CTDSPL: variants seen among roughly 807,000 people sequenced by gnomAD.
The protein encoded by CTDSPL is CTD small phosphatase like.
Under a neutral mutation model 30.5 loss-of-function variants are expected in CTDSPL, and 8 were observed. The ratio of observed to expected loss-of-function variants is 0.26; its 90% CI spans 0.15 to 0.47. The LOEUF is 0.47. Among genes scored for constraint, CTDSPL ranks in the 20% least tolerant of loss-of-function variants. The probability of loss-of-function intolerance (pLI) is 0.99; values close to 1 mark genes in which losing one functional copy is unlikely to be tolerated. For synonymous variants in CTDSPL, 110 were observed against 137.9 expected, an observed-to-expected ratio of 0.80 and a Z score of 1.42; for missense variants, 248 against 366.1, an observed-to-expected ratio of 0.68 and a Z score of 2.63.
At chr3:37,967,247 T>C (rs890442605) in intron 4 of CTDSPL, among the ~76,000 whole-genome samples, 10 of 152,012 alleles carry the variant, frequency 6.6e-5, no homozygotes, top group Non-Finnish European at 1.5e-4. Context: ...TCACAATAGC[T>C]AAGGAAGAGA....
intron 1 of CTDSPL, among the ~76,000 whole-genome samples, chr3:37,883,253 C>G (rs763977476): frequency 6.6e-6 from 1 of 152,214 alleles, no homozygotes; most frequent in Non-Finnish European, 1.5e-5. Flanking sequence ...AGAAGCTCCA[C>G]TAAGGCTTTA....
chr3:37,946,964 T>TG, intron 1 of CTDSPL, 93 bp from the exon 2 acceptor site: 2 of 1,396,814 alleles, frequency 1.4e-6, no homozygotes, highest in Non-Finnish European at 9.6e-7. Context: ...ATCTGGGGTC[T>TG]GGGGGGCAAC....
At chr3:37,947,008 A>G (rs1699046379) in intron 1 of CTDSPL, 49 bp from the exon 2 acceptor site, 2 of 1,573,720 alleles carry the variant, frequency 1.3e-6, no homozygotes, top group East Asian at 4.5e-5. Flanking sequence ...TATTACAACT[A>G]TCAGTACATG....
At chr3:37,943,564 A>G (rs1699003522) in intron 1 of CTDSPL, among the ~76,000 whole-genome samples, 1 of 150,446 alleles carries the variant, frequency 6.6e-6, no homozygotes, top group Admixed American at 6.7e-5. Context: ...TGACGTTCAT[A>G]GTTGCTACTC....
chr3:37,870,311 T>C (rs1698058058), intron 1 of CTDSPL, among the ~76,000 whole-genome samples: 1 of 152,088 alleles, frequency 6.6e-6, no homozygotes, highest in Admixed American at 6.5e-5. Flanking sequence ...GAGATTTGAG[T>C]CATTTCATCT....
intron 1 of CTDSPL, among the ~76,000 whole-genome samples, chr3:37,925,009 T>C (rs1325020323): frequency 6.6e-6 from 1 of 152,164 alleles, no homozygotes; most frequent in East Asian, 1.9e-4. Flanking sequence ...TTCCCCACTC[T>C]GGTCTCACCT....
chr3:37,906,575 C>A (rs947029576), intron 1 of CTDSPL, among the ~76,000 whole-genome samples: 1 of 152,154 alleles, frequency 6.6e-6, no homozygotes, highest in Non-Finnish European at 1.5e-5. Context: ...TTCACTGGTG[C>A]CTCCCTGAAT....
At chr3:37,976,482 T>C (rs922700158) in intron 7 of CTDSPL, among the ~76,000 whole-genome samples, 1 of 151,890 alleles carries the variant, frequency 6.6e-6, no homozygotes, top group African/African-American at 2.4e-5. Flanking sequence ...ATACAAAAAA[T>C]TAGCCAGGCG....
At chr3:37,921,690 A>G (rs1473382178) in intron 1 of CTDSPL, among the ~76,000 whole-genome samples, 18 of 151,950 alleles carry the variant, frequency 1.2e-4, no homozygotes, top group Admixed American at 1.2e-3. Flanking sequence ...CTGATATTGA[A>G]CTATTATGAC....
chr3:37,894,236 CT>C, intron 1 of CTDSPL, among the ~76,000 whole-genome samples: 1 of 152,102 alleles, frequency 6.6e-6, no homozygotes, highest in Non-Finnish European at 1.5e-5. Flanking sequence ...CACACACCAC[CT>C]TATCCAGCTA....
intron 1 of CTDSPL, among the ~76,000 whole-genome samples, chr3:37,934,675 G>A (rs1698894508): frequency 6.6e-6 from 1 of 152,192 alleles, no homozygotes; most frequent in Non-Finnish European, 1.5e-5. Flanking sequence ...GGCCATATGT[G>A]GATGGCGTAG....
chr3:37,940,238 C>G (rs574918654), intron 1 of CTDSPL, among the ~76,000 whole-genome samples: 1 of 150,620 alleles, frequency 6.6e-6, no homozygotes, highest in Non-Finnish European at 1.5e-5. Flanking sequence ...AATGTCTCTC[C>G]TGCTAGATGT....
At chr3:37,900,929 C>T (rs546925728) in intron 1 of CTDSPL, among the ~76,000 whole-genome samples, 8 of 152,220 alleles carry the variant, frequency 5.3e-5, no homozygotes, top group African/African-American at 1.9e-4. Context: ...TCTCTAGTAG[C>T]CAGGATTACA....
chr3:37,971,366 A>G lies in CTDSPL; in HGVS notation c.427-41A>G, dbSNP rs1294780941. 1.9e-6 allele frequency: 3 copies of G among 1,584,792 alleles called. No individual in the cohort carries two copies. In the Admixed American group the frequency reaches 5.1e-5, roughly 27 times the overall value. On this transcript the variant is annotated intron_variant, in intron 5 of 7. Coordinates refer to ENST00000273179, the MANE Select transcript of CTDSPL (RefSeq NM_001008392.2). ...TTTGGGCCCCAGGCCATCCCCAGCA[A>G]CTGCCACATCTGACCAGCCTGCTGT...
intron 1 of CTDSPL, among the ~76,000 whole-genome samples, chr3:37,863,319 C>T (rs1697967607): frequency 6.6e-6 from 1 of 152,194 alleles, no homozygotes; most frequent in Non-Finnish European, 1.5e-5. Flanking sequence ...GATTTTGGCA[C>T]ATTTTGACCC....
rs1052798489 is a variant in CTDSPL, at chr3:37,983,802, A to G, written c.*2935A>G. On this transcript the variant is annotated 3_prime_UTR_variant, in exon 8 of 8. Coordinates refer to ENST00000273179, the MANE Select transcript of CTDSPL (RefSeq NM_001008392.2). ...TGGTTCCATGCATTAGCTGTTTGTA[A>G]ATAATGCATTTGCATACTGAAAAAG... 9.5e-5 allele frequency: 16 copies of G among 168,534 alleles called. No homozygotes were observed. The highest frequency in any genetic ancestry group is 3.8e-4 in the African/African-American group (16 of 42,226). 10.4% of individuals were successfully genotyped at this position (168,534 alleles called of 1,614,324 possible).
chr3:37,944,972 T>A (rs1031022670), intron 1 of CTDSPL, among the ~76,000 whole-genome samples: 1 of 148,744 alleles, frequency 6.7e-6, no homozygotes, highest in Non-Finnish European at 1.5e-5. Context: ...GTATGTAAGT[T>A]CATTTGTTAA....
chr3:37,916,283 T>C (rs1698645157), intron 1 of CTDSPL, among the ~76,000 whole-genome samples: 1 of 152,232 alleles, frequency 6.6e-6, no homozygotes, highest in Non-Finnish European at 1.5e-5. Context: ...TTTCTAGCTT[T>C]AGAGTTAGTC....
intron 1 of CTDSPL, among the ~76,000 whole-genome samples, chr3:37,892,374 G>A (rs1002807408): frequency 4.6e-5 from 7 of 152,142 alleles, no homozygotes; most frequent in Admixed American, 2.6e-4. Flanking sequence ...AACATTTATT[G>A]ACTACTTACT....
Sources: allele counts gnomAD v4.1 joint callset (sites outside exome capture counted in the v4.1 genomes callset), GRCh38; gene constraint gnomAD v4.1.1; transcripts MANE v1.5; gene names NCBI Gene and HGNC (gene_info 2026-07-23, HGNC 2026-07-21).